CLYBL: variants seen among roughly 807,000 people sequenced by gnomAD.
The protein encoded by CLYBL is citramalyl-CoA lyase, also known as citramalyl-CoA lyase, mitochondrial.
Under a neutral mutation model 38.9 loss-of-function variants are expected in CLYBL, and 31 were observed. The observed-to-expected ratio is 0.80, with a 90% CI of 0.60 to 1.08. CLYBL has a LOEUF of 1.08. CLYBL is among the 50% of genes least tolerant of loss of function. CLYBL has a pLI of 0.00. For synonymous variants in CLYBL, 171 were observed against 158.6 expected, an observed-to-expected ratio of 1.08 and a Z score of -0.59; for missense variants, 434 against 411.6, an observed-to-expected ratio of 1.05 and a Z score of -0.47.
At chr13:99,756,940 C>T (rs2049073559) in intron 1 of CLYBL, among the ~76,000 whole-genome samples, 1 of 152,142 alleles carries the variant, frequency 6.6e-6, no homozygotes, top group African/African-American at 2.4e-5. Context: ...CTCTGTCACC[C>T]AGGCTGGAGT....
chr13:99,630,379 G>A (rs36091331), intron 1 of CLYBL, among the ~76,000 whole-genome samples: 9,453 of 152,204 alleles, frequency 0.062, 396 homozygotes, highest in Middle Eastern at 0.099. Flanking sequence ...TGGAGTTGGA[G>A]AAGGCTCTTT....
chr13:99,771,412 G>A (rs191113804), intron 1 of CLYBL, among the ~76,000 whole-genome samples: 136 of 152,294 alleles, frequency 8.9e-4, no homozygotes, highest in African/African-American at 2.8e-3. Flanking sequence ...TGGCTTCATG[G>A]ACATGTAATT....
intron 6 of CLYBL, among the ~76,000 whole-genome samples, chr13:99,868,403 G>GAAGGAAAGAAAAAA (rs1311233691): frequency 6.6e-6 from 1 of 151,892 alleles, no homozygotes; most frequent in Non-Finnish European, 1.5e-5. Flanking sequence ...AGAAGAAAAA[G>GAAGGAAAGAAAAAA]AAGGAAAGAA....
At chr13:99,612,320 T>C (rs1379489482) in intron 1 of CLYBL, among the ~76,000 whole-genome samples, 5 of 152,034 alleles carry the variant, frequency 3.3e-5, no homozygotes, top group Non-Finnish European at 7.4e-5. Context: ...TCACCTTACT[T>C]TGGGTTTAAT....
intron 2 of CLYBL, among the ~76,000 whole-genome samples, chr13:99,816,907 A>T (rs1317984775): frequency 1.3e-5 from 2 of 152,170 alleles, no homozygotes; most frequent in Non-Finnish European, 2.9e-5. Context: ...GGCTTCATGG[A>T]AGTGGTGGGG....
At chr13:99,836,581 G>A (rs1478848076) in intron 2 of CLYBL, among the ~76,000 whole-genome samples, 2 of 152,198 alleles carry the variant, frequency 1.3e-5, no homozygotes, top group Non-Finnish European at 2.9e-5. Flanking sequence ...GGCTCTGCAT[G>A]GTGATGCCAC....
chr13:99,818,446 AACACACACACACACACAC>A (rs57249330), intron 2 of CLYBL, among the ~76,000 whole-genome samples: 18 of 143,324 alleles, frequency 1.3e-4, no homozygotes, highest in South Asian at 6.7e-4. Context: ...TGGAGCAGAA[AACACACACACACACACAC>A]ACACACACAC....
intron 2 of CLYBL, among the ~76,000 whole-genome samples, chr13:99,813,640 G>A (rs943825653): frequency 7.9e-5 from 12 of 152,208 alleles, no homozygotes; most frequent in East Asian, 3.9e-4. Context: ...AGCAAGCTTC[G>A]GTGTCTTCAT....
At chr13:99,844,202 C>T (rs971603408) in intron 2 of CLYBL, among the ~76,000 whole-genome samples, 1 of 152,174 alleles carries the variant, frequency 6.6e-6, no homozygotes, top group Non-Finnish European at 1.5e-5. Flanking sequence ...CAGACAAATG[C>T]AAGATTGGGA....
intron 2 of CLYBL, among the ~76,000 whole-genome samples, chr13:99,857,263 C>T (rs563821944): frequency 4.6e-5 from 7 of 152,000 alleles, no homozygotes; most frequent in Admixed American, 2.0e-4. Context: ...TGCAGTGAGC[C>T]GAGATTGCGC....
chr13:99,724,693 C>A (rs981587534), intron 1 of CLYBL, among the ~76,000 whole-genome samples: 5 of 152,080 alleles, frequency 3.3e-5, no homozygotes, highest in Non-Finnish European at 2.9e-5. Context: ...ACGAGCAGAA[C>A]GCACCGAGTT....
At chr13:99,820,702 A>G (rs2050571740) in intron 2 of CLYBL, among the ~76,000 whole-genome samples, 1 of 152,174 alleles carries the variant, frequency 6.6e-6, no homozygotes, top group East Asian at 1.9e-4. Flanking sequence ...CTGGATCAAA[A>G]TTCTGACAAT....
intron 1 of CLYBL, among the ~76,000 whole-genome samples, chr13:99,757,127 T>C (rs930151204): frequency 6.6e-6 from 1 of 152,192 alleles, no homozygotes; most frequent in African/African-American, 2.4e-5. Context: ...TTTGAACTCC[T>C]GGGCTCAAGT....
chr13:99,883,392 G>A (rs965025625), intron 7 of CLYBL, among the ~76,000 whole-genome samples: 15 of 151,734 alleles, frequency 9.9e-5, no homozygotes, highest in East Asian at 1.9e-4. Flanking sequence ...GGTGGCGAGC[G>A]CCTGAAATCC....
chr13:99,719,153 ATT>A (rs34168768), intron 1 of CLYBL, among the ~76,000 whole-genome samples: 15 of 135,612 alleles, frequency 1.1e-4, no homozygotes, highest in East Asian at 2.2e-4. Flanking sequence ...CACAAGGCCT[ATT>A]TTTTTTTTTT....
At chr13:99,886,953 AT>A (rs1281490282) in intron 7 of CLYBL, among the ~76,000 whole-genome samples, 1 of 152,202 alleles carries the variant, frequency 6.6e-6, no homozygotes, top group East Asian at 1.9e-4. Flanking sequence ...TCCATACTTG[AT>A]GGATGAATGG....
intron 1 of CLYBL, among the ~76,000 whole-genome samples, chr13:99,642,412 GTTATTA>G (rs71118497): frequency 6.0e-5 from 9 of 150,934 alleles, no homozygotes; most frequent in African/African-American, 9.7e-5. Context: ...TATGATTATT[GTTATTA>G]TTATTATTAT....
chr13:99,744,587 C>G (rs542971712), intron 1 of CLYBL, among the ~76,000 whole-genome samples: 1 of 152,250 alleles, frequency 6.6e-6, no homozygotes, highest in African/African-American at 2.4e-5. Context: ...AGGACCTGTA[C>G]AAGTGGAGAA....
chr13:99,639,131 G>A (rs1312589285), intron 1 of CLYBL, among the ~76,000 whole-genome samples: 3 of 152,200 alleles, frequency 2.0e-5, no homozygotes, highest in Non-Finnish European at 2.9e-5. Flanking sequence ...CCGGCAATCT[G>A]TGAATCTTCA....
Sources: gnomAD v4.1 joint callset for allele counts (sites outside exome capture counted in the v4.1 genomes callset) on GRCh38, gnomAD v4.1.1 for gene constraint, MANE v1.5 for transcripts, NCBI Gene and HGNC (gene_info 2026-07-23, HGNC 2026-07-21) for gene names.